Variants in WDR37 observed in about 807,000 individuals in gnomAD.
WDR37 encodes the protein WD repeat domain 37, also known as WD repeat-containing protein 37.
A neutral mutation model predicts 62.9 loss-of-function variants in WDR37; 19 were observed. That is an observed-to-expected ratio of 0.30 (90% CI 0.21 to 0.44). The LOEUF (loss-of-function observed/expected upper bound fraction) is 0.44, where lower values mean the gene tolerates loss of function less well. Ranked by LOEUF, WDR37 falls within the 20% of genes least tolerant of loss-of-function variation. WDR37 has a pLI of 1.00. For synonymous variants in WDR37, 250 were observed against 260.9 expected (o/e 0.96, Z 0.40); for missense variants, 474 against 657.6 (o/e 0.72, Z 3.05).
intron 11 of WDR37, among the ~76,000 whole-genome samples, chr10:1,119,628 C>G (rs1835509570): frequency 1.3e-5 from 2 of 152,168 alleles, no homozygotes; most frequent in Admixed American, 1.3e-4. Context: ...ACTTCCAGGC[C>G]TTAGGGTGCT....
Position 1,124,276 on chromosome 10 carries a change from C to T in WDR37, c.1162C>T (p.Arg388Cys), listed in dbSNP as rs1835672725. ...GDNVVSGSDDRTVKVWDLKNM... is the reference protein window; with the variant it reads ...GDNVVSGSDDCTVKVWDLKNM... ...CAACGTGGTTTCAGGCAGCGATGAC[C>T]GCACGGTGAAAGTCTGGGACTTGAA... The change falls in exon 12 of 14, where the codon CGC becomes TGC. Residue 388 changes from arginine to cysteine, a missense_variant. Arg to Cys is a radical substitution (Grantham distance 180). Coordinates refer to ENST00000263150, the MANE Select transcript of WDR37 (RefSeq NM_014023.4). The T allele has an allele frequency of 1.9e-6, 3 of 1,614,146 alleles. No homozygotes were observed. The highest frequency in any genetic ancestry group is 2.5e-6 in the Non-Finnish European group (3 of 1,180,036).
intron 11 of WDR37, among the ~76,000 whole-genome samples, chr10:1,117,319 G>A (rs959096080): frequency 5.3e-5 from 8 of 152,170 alleles, no homozygotes; most frequent in Admixed American, 5.2e-4. Context: ...CCTCCAAAGT[G>A]CTGGGATTAC....
intron 11 of WDR37, among the ~76,000 whole-genome samples, chr10:1,106,825 G>A (rs770727899): frequency 3.3e-5 from 5 of 152,156 alleles, no homozygotes; most frequent in African/African-American, 7.2e-5. Flanking sequence ...CCAGGACAAC[G>A]TTTTTAAAAA....
chr10:1,092,357 A>G (rs752972055), intron 7 of WDR37, among the ~76,000 whole-genome samples: 8 of 151,226 alleles, frequency 5.3e-5, no homozygotes, highest in Non-Finnish European at 1.0e-4. Flanking sequence ...TGTCTCTACT[A>G]AAAATACAAA....
chr10:1,056,810 T>TG lies in WDR37; in HGVS notation c.-198dup, dbSNP rs987551373. Reference sequence around the variant, plus strand: ...GCGGGACTTCCGGCGACACCGGAAGTGCATTAGCGCCAGGTTGGGGTTGTG... The same window carrying TG: ...GCGGGACTTCCGGCGACACCGGAAGTGGCATTAGCGCCAGGTTGGGGTTGTG... On this transcript the variant is annotated 5_prime_UTR_variant, in exon 1 of 14. Transcript: ENST00000263150. The TG allele has an allele frequency of 2.0e-5, 3 of 152,208 alleles. No individual in the cohort carries two copies. The highest frequency in any genetic ancestry group is 7.2e-5 in the African/African-American group (3 of 41,490). The allele number at this position is 152,208 out of a possible 1,614,324, so 9.4% of individuals were successfully genotyped here.
At chr10:1,097,819 C>T (rs993227311) in intron 9 of WDR37, among the ~76,000 whole-genome samples, 1 of 152,158 alleles carries the variant, frequency 6.6e-6, no homozygotes, top group Non-Finnish European at 1.5e-5. Context: ...GGAAAGGGAG[C>T]GTCTGTCCAG....
Position 1,130,761 on chromosome 10 carries a change from C to G in WDR37, c.*1417C>G, listed in dbSNP as rs1835932650. 6.6e-6 allele frequency: 1 copy of G among 152,168 alleles called. No homozygotes were observed. The highest frequency in any genetic ancestry group is 1.5e-5 in the Non-Finnish European group (1 of 68,064). 9.4% of individuals were successfully genotyped at this position (152,168 alleles called of 1,614,324 possible). A position where few individuals can be genotyped will look rare whatever the true frequency, so the allele number is the denominator to read the frequency against. On this transcript the variant is annotated 3_prime_UTR_variant, in exon 14 of 14. Coordinates refer to ENST00000263150, the MANE Select transcript of WDR37 (RefSeq NM_014023.4). ...AGGTAGGAGGGAACCCATCTGGGGA[C>G]CGGTAGGTGCAGGTGCAGTAGGACG...
chr10:1,088,171 T>C (rs899123866), intron 7 of WDR37, among the ~76,000 whole-genome samples: 3 of 152,246 alleles, frequency 2.0e-5, no homozygotes, highest in Admixed American at 6.5e-5. Context: ...ATGTTGTGGC[T>C]GGTTTAATCA....
At chr10:1,091,963 G>GT (rs1834402759) in intron 7 of WDR37, among the ~76,000 whole-genome samples, 1 of 146,330 alleles carries the variant, frequency 6.8e-6, no homozygotes, top group African/African-American at 2.5e-5. Flanking sequence ...GGCGGATCAC[G>GT]AGGTCAGGAG....
At chr10:1,076,365 A>C (rs1833877270) in intron 2 of WDR37, among the ~76,000 whole-genome samples, 1 of 152,238 alleles carries the variant, frequency 6.6e-6, no homozygotes, top group South Asian at 2.1e-4. Flanking sequence ...GATTTAATAA[A>C]TATAGTGCAT....
At chr10:1,061,258 C>T (rs376295577) in intron 1 of WDR37, among the ~76,000 whole-genome samples, 10 of 152,236 alleles carry the variant, frequency 6.6e-5, no homozygotes, top group African/African-American at 9.6e-5. Context: ...TTTCACTTCC[C>T]TTCCTGTCTA....
chr10:1,123,270 A>G (rs1416698746), intron 11 of WDR37, among the ~76,000 whole-genome samples: 1 of 152,266 alleles, frequency 6.6e-6, no homozygotes, highest in African/African-American at 2.4e-5. Context: ...TTAAATATAC[A>G]TAATATGAAA....
Position 1,084,634 on chromosome 10 carries a change from G to A in WDR37, c.532+96G>A. 1.9e-6 allele frequency: 3 copies of A among 1,543,494 alleles called. No homozygotes were observed. The South Asian group carries it at 3.5e-5, about 18-fold the overall frequency. On this transcript the variant is annotated intron_variant, in intron 6 of 13. Coordinates refer to ENST00000263150, the MANE Select transcript of WDR37 (RefSeq NM_014023.4). ...ACTTTTCTGTGGCAGAGGAACCCTA[G>A]ATGCAAAAGCGTCATGGAGGAGTCA... is the stretch of plus-strand genomic sequence containing the variant.
In WDR37 at chr10:1,086,803, GTCCATGTAGT is replaced by G. The variant is rs1589094521; in HGVS notation, c.604+448_604+457del. On this transcript the variant is annotated intron_variant, in intron 7 of 13. Transcript: ENST00000263150. ...GAATGCTGTCCACGTAGTTAACGCT[GTCCATGTAGT>G]TAGTTAACGCTGTTCACGTAGCTCT... 1.4e-5 allele frequency among the ~76,000 whole-genome samples: 2 copies of G among 146,382 alleles called. 1 individual carries two copies. Among genetic ancestry groups the G allele is most frequent in the East Asian group, 4.2e-4 (2 of 4,772 alleles).
chr10:1,066,385 G>A (rs749311649), intron 1 of WDR37, among the ~76,000 whole-genome samples: 6 of 152,148 alleles, frequency 3.9e-5, no homozygotes, highest in East Asian at 1.9e-4. Context: ...CAAAGTGCTG[G>A]GATTATAGGC....
intron 11 of WDR37, among the ~76,000 whole-genome samples, chr10:1,120,947 C>T (rs1299220563): frequency 6.6e-6 from 1 of 152,226 alleles, no homozygotes; most frequent in Non-Finnish European, 1.5e-5. Context: ...GCGGAATGTT[C>T]CAGACCAGGC....
chr10:1,083,416 C>T (rs1834093467), intron 5 of WDR37, among the ~76,000 whole-genome samples: 1 of 150,742 alleles, frequency 6.6e-6, no homozygotes, highest in Non-Finnish European at 1.5e-5. Flanking sequence ...GCTTTATGGT[C>T]TTAGGAAGAA....
intron 11 of WDR37, among the ~76,000 whole-genome samples, chr10:1,119,756 G>C (rs896449108): frequency 2.0e-5 from 3 of 152,240 alleles, no homozygotes; most frequent in African/African-American, 7.2e-5. Flanking sequence ...TCTGCACACT[G>C]TCTGACGAGG....
intron 13 of WDR37, among the ~76,000 whole-genome samples, chr10:1,126,682 C>T (rs561314105): frequency 1.8e-4 from 28 of 152,292 alleles, no homozygotes; most frequent in South Asian, 4.1e-4. Flanking sequence ...CTGCTCTGCA[C>T]GGGGTGTGAG....
Sources: gnomAD v4.1 joint callset for allele counts (sites outside exome capture counted in the v4.1 genomes callset) on GRCh38, gnomAD v4.1.1 for gene constraint, MANE v1.5 for transcripts, NCBI Gene and HGNC (gene_info 2026-07-23, HGNC 2026-07-21) for gene names.